The following TECTA variants were observed in gnomAD, a reference collection of about 807,000 sequenced individuals.
TECTA encodes alpha-tectorin.
In TECTA, 128 loss-of-function variants were observed where a neutral mutation model predicts 216.8. The ratio of observed to expected loss-of-function variants is 0.59; its 90% CI spans 0.51 to 0.68. TECTA has a LOEUF of 0.68. Ranked by LOEUF, TECTA falls within the 30% of genes least tolerant of loss-of-function variation. The pLI is 0.00. For synonymous variants in TECTA, 1,089 were observed against 1,117.1 expected (o/e 0.97, Z 0.50); for missense variants, 2,551 against 2,786.2 (o/e 0.92, Z 1.90).
rs746110552 is a variant in TECTA at position 121,145,986 on chromosome 11, G to A, written c.3975G>A (p.Lys1325=). The A allele has an allele frequency of 3.1e-6, 5 of 1,614,120 alleles. No individual in the cohort carries two copies. The African/African-American group carries it at 6.7e-5, about 22-fold the overall frequency. ...HSKVNPTFFY[K]NCLFDSCIDG... ...AAGTTAACCCCACCTTCTTCTATAAGAACTGCCTGTTTGACTCTTGCATCG... is the reference window on the plus strand; with the variant it reads ...AAGTTAACCCCACCTTCTTCTATAAAAACTGCCTGTTTGACTCTTGCATCG... The change falls in exon 12 of 24, where the codon AAG becomes AAA. Residue 1325 remains lysine (K), a synonymous_variant. Transcript: ENST00000392793.
chr11:121,182,959 G>A (rs902598753), intron 20 of TECTA, among the ~76,000 whole-genome samples: 1 of 152,206 alleles, frequency 6.6e-6, no homozygotes, highest in Admixed American at 6.5e-5. Context: ...TGGCCCTGCT[G>A]CTGGGGAAGT....
intron 13 of TECTA, among the ~76,000 whole-genome samples, chr11:121,156,250 C>T (rs1232948666): frequency 6.6e-6 from 1 of 152,216 alleles, no homozygotes; most frequent in Admixed American, 6.5e-5. Context: ...TCACAACTCA[C>T]TGCAGCCTCT....
At position 121,181,471 on chromosome 11, in the gene TECTA, TATG is replaced by T. The variant is rs1271474643; in HGVS notation, c.6000-6358_6000-6356del. On this transcript the variant is annotated intron_variant, in intron 20 of 23. Coordinates refer to ENST00000392793, the MANE Select transcript of TECTA (RefSeq NM_005422.4). ...GGAGAATTATTATTATTATTATTATTATGATTTTATTTTTTGAAATGGAGTTTT... is the reference window on the plus strand; with the variant it reads ...GGAGAATTATTATTATTATTATTATTATTTTATTTTTTGAAATGGAGTTTT... 2.5e-3 allele frequency among the ~76,000 whole-genome samples: 381 copies of T among 151,086 alleles called. 3 individuals carry two copies. The highest frequency in any genetic ancestry group is 8.9e-3 in the African/African-American group (368 of 41,224).
intron 20 of TECTA, among the ~76,000 whole-genome samples, chr11:121,180,509 T>C (rs1425554752): frequency 6.6e-6 from 1 of 152,208 alleles, no homozygotes; most frequent in Admixed American, 6.5e-5. Context: ...GGTTCTATTA[T>C]ATATAACTTG....
chr11:121,130,319 G>C, intron 10 of TECTA, 108 bp downstream of exon 10: 1 of 1,252,660 alleles, frequency 8.0e-7, no homozygotes, highest in Non-Finnish European at 1.1e-6. Flanking sequence ...CAAGGGTGAT[G>C]TTAATTACTG....
rs570467752 is a variant in TECTA, at chr11:121,188,024, A to T, written c.6162+30A>T. On this transcript the variant is annotated intron_variant, in intron 21 of 23. Coordinates refer to ENST00000392793, the MANE Select transcript of TECTA (RefSeq NM_005422.4). The stretch of plus-strand genomic sequence containing the variant: ...GTGAGAGTGTGAAAACAAAGTGCTT[A>T]GCCTTATTTCTCACTGTCTTGGTTT... The T allele has an allele frequency of 5.6e-6, 9 of 1,613,634 alleles. No homozygotes were observed. The South Asian group carries it at 8.8e-5, about 16-fold the overall frequency.
chr11:121,120,160 AT>A (rs143458875), intron 7 of TECTA, among the ~76,000 whole-genome samples: 2,269 of 146,318 alleles, frequency 0.016, 57 homozygotes, highest in African/African-American at 0.056. Context: ...TCTCAGTCAG[AT>A]TTTTTTTTTA....
intron 20 of TECTA, among the ~76,000 whole-genome samples, chr11:121,186,281 C>T (rs1036811059): frequency 2.6e-5 from 4 of 152,256 alleles, no homozygotes; most frequent in African/African-American, 9.6e-5. Flanking sequence ...ACAGCAGCAA[C>T]TTCTACAAGT....
At chr11:121,145,463 G>A (rs1274642447) in intron 11 of TECTA, 92 bp from the exon 12 acceptor site, 2 of 1,371,626 alleles carry the variant, frequency 1.5e-6, no homozygotes, top group African/African-American at 1.4e-5. Flanking sequence ...ACTTCCCTCT[G>A]GGACTTGTCT....
In TECTA at chr11:121,172,435, G is replaced by A. The variant is rs1393118838; in HGVS notation, c.5999+3510G>A. ...TTCCCACCTATGAGTGAGAATATGCGGTGTTTGGTTTTTTGTTCTTGTGAT... is the reference window on the plus strand; with the variant it reads ...TTCCCACCTATGAGTGAGAATATGCAGTGTTTGGTTTTTTGTTCTTGTGAT... On this transcript the variant is annotated intron_variant, in intron 20 of 23. Coordinates refer to ENST00000392793, the MANE Select transcript of TECTA (RefSeq NM_005422.4). Among the ~76,000 whole-genome samples the A allele has an allele frequency of 7.9e-5, 12 of 151,888 alleles. No homozygotes were observed. In the South Asian group the frequency reaches 1.9e-3, roughly 24 times the overall value.
intron 11 of TECTA, among the ~76,000 whole-genome samples, chr11:121,139,098 G>T (rs1591450010): frequency 1.3e-5 from 2 of 152,144 alleles, no homozygotes; most frequent in South Asian, 4.1e-4. Context: ...TATCTTTCAT[G>T]TTTATTGGAA....
At position 121,135,456 on chromosome 11, in the gene TECTA, G is replaced by A. The variant is rs543703269; in HGVS notation, c.2942-1965G>A. On this transcript the variant is annotated intron_variant, in intron 10 of 23. Coordinates refer to ENST00000392793, the MANE Select transcript of TECTA (RefSeq NM_005422.4). ...CTATCACCATAAATCTGCAGTCAGT[G>A]TTAGAACATTCATAATTTAAAGACA... is the stretch of plus-strand genomic sequence containing the variant. 7.2e-5 allele frequency among the ~76,000 whole-genome samples: 11 copies of A among 152,346 alleles called. No homozygotes were observed. In the South Asian group the frequency reaches 2.3e-3, roughly 32 times the overall value.
chr11:121,179,835 C>G (rs756354221), intron 20 of TECTA, among the ~76,000 whole-genome samples: 1 of 152,054 alleles, frequency 6.6e-6, no homozygotes, highest in African/African-American at 2.4e-5. Flanking sequence ...ACAAATATAG[C>G]TACTCCTGCT....
In TECTA at chr11:121,113,247, T is replaced by C. The variant is rs1946460217; in HGVS notation, c.624+38T>C. On this transcript the variant is annotated intron_variant, in intron 5 of 23. Coordinates refer to ENST00000392793, the MANE Select transcript of TECTA (RefSeq NM_005422.4). This position sits in a 1 kb window ranked among gnomAD's most constrained non-coding sequence, Gnocchi z 4.2. ...CCACTTCATCCCCCGCGTGTTTCCGTCGCTGCACTCTCTGCTTCTGTGGCT... is the reference window on the plus strand; with the variant it reads ...CCACTTCATCCCCCGCGTGTTTCCGCCGCTGCACTCTCTGCTTCTGTGGCT... The C allele has an allele frequency of 5.6e-6, 9 of 1,613,214 alleles. No individual in the cohort carries two copies. In the East Asian group the frequency reaches 2.0e-4, roughly 36 times the overall value.
chr11:121,152,406 A>G (rs1323910241), intron 12 of TECTA, among the ~76,000 whole-genome samples: 1 of 152,356 alleles, frequency 6.6e-6, no homozygotes, highest in South Asian at 2.1e-4. Flanking sequence ...GGAGAACTAC[A>G]TGGGTAAGGT....
chr11:121,148,566 G>A (rs562540223), intron 12 of TECTA, among the ~76,000 whole-genome samples: 1 of 152,222 alleles, frequency 6.6e-6, no homozygotes, highest in African/African-American at 2.4e-5. Flanking sequence ...GTTTGTAACT[G>A]TATCTGATGT....
At chr11:121,153,230 T>A (rs936044569) in intron 13 of TECTA, 150 bp downstream of exon 13, 6 of 944,234 alleles carry the variant, frequency 6.4e-6, no homozygotes, top group Non-Finnish European at 9.6e-6. Context: ...GTAGAGAGGC[T>A]AAGCACACTG....
At chr11:121,163,171 C>A (rs961309538) in intron 16 of TECTA, among the ~76,000 whole-genome samples, 1 of 152,124 alleles carries the variant, frequency 6.6e-6, no homozygotes, top group South Asian at 2.1e-4. Context: ...ATGATACACA[C>A]ACATTGGTAA....
rs533280229 is a variant in TECTA at position 121,169,514 on chromosome 11, TG to T, written c.5999+591del. 4.6e-5 allele frequency among the ~76,000 whole-genome samples: 7 copies of T among 152,328 alleles called. No individual in the cohort carries two copies. In the South Asian group the frequency reaches 1.4e-3, roughly 32 times the overall value. On this transcript the variant is annotated intron_variant, in intron 20 of 23. Transcript: ENST00000392793. ...CTTTATTAAAAACAAAAATACTTTC[TG>T]GTTACATTAGACAGTTTACATTTAT...
Sources: gnomAD v4.1 joint callset for allele counts (sites outside exome capture counted in the v4.1 genomes callset) on GRCh38, gnomAD v4.1.1 for gene constraint, Gnocchi (gnomAD v3.1) non-coding constraint, MANE v1.5 for transcripts, NCBI Gene and HGNC (gene_info 2026-07-23, HGNC 2026-07-21) for gene names.